The following HMGCLL1 variants were observed in gnomAD, a reference collection of about 807,000 sequenced individuals.
HMGCLL1 encodes 3-hydroxy-3-methylglutaryl-CoA lyase like 1.
HMGCLL1 carries 36 observed loss-of-function variants against 39.1 expected under a neutral mutation model. The ratio of observed to expected loss-of-function variants is 0.92; its 90% CI spans 0.71 to 1.22. The LOEUF is 1.22. Ranked by LOEUF, HMGCLL1 falls within the 50% of genes most tolerant of loss-of-function variation. The probability of loss-of-function intolerance (pLI) is 0.00; values close to 1 mark genes in which losing one functional copy is unlikely to be tolerated. For missense variants in HMGCLL1, 451 were observed against 416.5 expected, an observed-to-expected ratio of 1.08 and a Z score of -0.72; for synonymous variants, 149 against 144.0, an observed-to-expected ratio of 1.03 and a Z score of -0.25.
At chr6:55,654,267 T>A in the HMGCLL1 span, among the ~76,000 whole-genome samples, 1 of 151,766 alleles carries the variant, frequency 6.6e-6, no homozygotes, top group Non-Finnish European at 1.5e-5. Flanking sequence ...ACTGAATTTA[T>A]AATGAAATTT....
chr6:55,639,895 A>AT, the HMGCLL1 span, among the ~76,000 whole-genome samples: 1 of 152,030 alleles, frequency 6.6e-6, no homozygotes, highest in South Asian at 2.1e-4. Context: ...CCTGGCCAAC[A>AT]TGGTGAAACC....
At chr6:55,614,879 G>A in the HMGCLL1 span, among the ~76,000 whole-genome samples, 1 of 151,984 alleles carries the variant, frequency 6.6e-6, no homozygotes, top group Non-Finnish European at 1.5e-5. Flanking sequence ...GTAAGGCTGG[G>A]TGCAGAGCCT....
chr6:55,543,157 T>TATATATAATATATA (rs1561950383), intron 1 of HMGCLL1, among the ~76,000 whole-genome samples: 2 of 6,614 alleles, frequency 3.0e-4, no homozygotes, highest in Non-Finnish European at 7.4e-4. Context: ...ATTATATATA[T>TATATATAATATATA]TATATATATA....
At chr6:55,553,248 CGT>C (rs70986735) in intron 1 of HMGCLL1, among the ~76,000 whole-genome samples, 221 of 143,694 alleles carry the variant, frequency 1.5e-3, no homozygotes, top group Non-Finnish European at 2.3e-3. Flanking sequence ...TACATATATA[CGT>C]GTGTGTGTGT....
chr6:55,678,840 C>T, the HMGCLL1 span, among the ~76,000 whole-genome samples: 84 of 152,252 alleles, frequency 5.5e-4, 1 homozygote, highest in South Asian at 0.017. Context: ...AGGGCACAGA[C>T]AGATTCCCGA....
the HMGCLL1 span, among the ~76,000 whole-genome samples, chr6:55,671,296 C>G: frequency 2.6e-5 from 4 of 151,652 alleles, no homozygotes; most frequent in African/African-American, 9.7e-5. Context: ...AGATTTGAAG[C>G]ATGAAAAGGA....
chr6:55,560,631 C>T (rs994853900), intron 1 of HMGCLL1, among the ~76,000 whole-genome samples: 2 of 152,182 alleles, frequency 1.3e-5, no homozygotes, highest in African/African-American at 2.4e-5. Flanking sequence ...AAAAGTAAAC[C>T]TTCCAATCAC....
chr6:55,616,772 A>T, the HMGCLL1 span, among the ~76,000 whole-genome samples: 2 of 152,124 alleles, frequency 1.3e-5, no homozygotes, highest in Non-Finnish European at 2.9e-5. Context: ...AACAAACTAG[A>T]AGTAAAAAAT....
intron 7 of HMGCLL1, among the ~76,000 whole-genome samples, chr6:55,442,864 A>C (rs2127382723): frequency 6.6e-6 from 1 of 152,314 alleles, no homozygotes; most frequent in East Asian, 1.9e-4. Context: ...TACTTGGAAA[A>C]GACAAATATT....
intron 7 of HMGCLL1, among the ~76,000 whole-genome samples, chr6:55,448,554 C>T (rs1038729154): frequency 1.3e-5 from 2 of 151,808 alleles, no homozygotes; most frequent in African/African-American, 4.8e-5. Flanking sequence ...ATAGTCATTT[C>T]CTTCTTTTGC....
At chr6:55,675,744 CTT>C in the HMGCLL1 span, among the ~76,000 whole-genome samples, 2 of 152,070 alleles carry the variant, frequency 1.3e-5, no homozygotes, top group African/African-American at 4.8e-5. Context: ...TGACATCACT[CTT>C]TGTGTGTGTG....
At chr6:55,531,205 C>T (rs1265682364) in intron 3 of HMGCLL1, among the ~76,000 whole-genome samples, 2 of 152,118 alleles carry the variant, frequency 1.3e-5, no homozygotes, top group Non-Finnish European at 2.9e-5. Context: ...CTCTGCATTT[C>T]CCAAAGTGGA....
intron 3 of HMGCLL1, among the ~76,000 whole-genome samples, chr6:55,521,469 A>C (rs1434548795): frequency 6.6e-6 from 1 of 152,024 alleles, no homozygotes; most frequent in African/African-American, 2.4e-5. Flanking sequence ...ATCTATTGGC[A>C]TCATTTTTCC....
At chr6:55,524,053 T>A (rs944609093) in intron 3 of HMGCLL1, among the ~76,000 whole-genome samples, 2 of 151,942 alleles carry the variant, frequency 1.3e-5, no homozygotes, top group Non-Finnish European at 2.9e-5. Context: ...AAAGACTATA[T>A]CTGCGTACAA....
the HMGCLL1 span, among the ~76,000 whole-genome samples, chr6:55,596,300 C>T: frequency 6.6e-6 from 1 of 152,120 alleles, no homozygotes; most frequent in African/African-American, 2.4e-5. Flanking sequence ...GCACTCCAGC[C>T]TGGGTGACAG....
chr6:55,542,536 T>C (rs568224909), intron 1 of HMGCLL1, among the ~76,000 whole-genome samples: 7 of 151,960 alleles, frequency 4.6e-5, no homozygotes, highest in African/African-American at 1.7e-4. Flanking sequence ...TCCCAACACA[T>C]TGGGAGGCTG....
the HMGCLL1 span, among the ~76,000 whole-genome samples, chr6:55,617,183 C>T: frequency 1.3e-5 from 2 of 151,974 alleles, no homozygotes; most frequent in African/African-American, 4.8e-5. Flanking sequence ...GGACTTAGAC[C>T]ACACTCATCT....
the HMGCLL1 span, among the ~76,000 whole-genome samples, chr6:55,656,319 C>T: frequency 6.6e-6 from 1 of 151,938 alleles, no homozygotes. Flanking sequence ...TTTTAGACTG[C>T]ACTCTAAGAA....
chr6:55,634,517 C>A, the HMGCLL1 span, among the ~76,000 whole-genome samples: 3 of 152,088 alleles, frequency 2.0e-5, no homozygotes, highest in Non-Finnish European at 4.4e-5. Flanking sequence ...AACCTGGTAA[C>A]CAGAAGTGAT....
Sources: allele counts gnomAD v4.1 joint callset (sites outside exome capture counted in the v4.1 genomes callset), GRCh38; gene constraint gnomAD v4.1.1; transcripts MANE v1.5; gene names NCBI Gene and HGNC (gene_info 2026-07-23, HGNC 2026-07-21).